The following RNF169 variants were observed in gnomAD, a reference collection of about 807,000 sequenced individuals.
The protein encoded by RNF169 is E3 ubiquitin-protein ligase RNF169.
In RNF169, 24 loss-of-function variants were observed where a neutral mutation model predicts 53.9. That is an observed-to-expected ratio of 0.45 (90% CI 0.32 to 0.63). RNF169 has a LOEUF of 0.63. Among genes scored for constraint, RNF169 ranks in the 20% least tolerant of loss-of-function variants. The pLI, the probability that RNF169 is intolerant of heterozygous loss-of-function variation, is 0.04. For synonymous variants in RNF169, 396 were observed against 363.5 expected (o/e 1.09, Z -1.02); for missense variants, 883 against 906.2 (o/e 0.97, Z 0.33).
intron 1 of RNF169, among the ~76,000 whole-genome samples, chr11:74,782,010 A>G (rs1181538954): frequency 1.3e-5 from 2 of 152,200 alleles, no homozygotes; most frequent in African/African-American, 2.4e-5. Context: ...GGTGGTAGAG[A>G]TGGAAATTAG....
chr11:74,790,152 G>C (rs1379552389), intron 2 of RNF169, among the ~76,000 whole-genome samples: 1 of 152,124 alleles, frequency 6.6e-6, no homozygotes, highest in African/African-American at 2.4e-5. Context: ...TTCCTAGTTA[G>C]AAAACAATTA....
rs747686347 is a variant in RNF169, at chr11:74,835,615, G to T, written c.1012G>T (p.Val338Phe). 12 of 1,613,994 alleles carry T rather than the reference G, an allele frequency of 7.4e-6. No individual in the cohort carries two copies. The Admixed American group carries it at 2.0e-4, about 27-fold the overall frequency. Residue 338 changes from valine to phenylalanine, a missense_variant, in exon 6 of 6, where the codon GTC becomes TTC. Val to Phe is a conservative substitution (Grantham distance 50). Around this residue, in one of 3 missense-constraint regions of RNF169, gnomAD observed 219 missense variants for 289.1 expected, o/e 0.76. Transcript: ENST00000299563. ...CTTGTCAACTCAAAACAACCGCTGCGTCTCGGCCCCTGACTTAACCATCGA... is the reference window on the plus strand; with the variant it reads ...CTTGTCAACTCAAAACAACCGCTGCTTCTCGGCCCCTGACTTAACCATCGA... ...VLLSTQNNRC[V>F]SAPDLTIEKR... is the part of the protein sequence containing the mutation.
Position 74,802,974 on chromosome 11 carries a change from G to A in RNF169, c.577-7210G>A, listed in dbSNP as rs888405925. Among the ~76,000 whole-genome samples the A allele has an allele frequency of 3.3e-5, 5 of 152,238 alleles. No homozygotes were observed. In the East Asian group the frequency reaches 9.7e-4, roughly 29 times the overall value. The stretch of plus-strand genomic sequence containing the variant: ...CTTGCTCTGTCGCCCAGGCTGGAGT[G>A]CATTGGGGCAATCTCGGCTCACCGC... On this transcript the variant is annotated intron_variant, in intron 2 of 5. Coordinates refer to ENST00000299563, the MANE Select transcript of RNF169 (RefSeq NM_001098638.2).
chr11:74,806,301 T>G (rs561787453), intron 2 of RNF169, among the ~76,000 whole-genome samples: 3 of 152,334 alleles, frequency 2.0e-5, no homozygotes, highest in African/African-American at 7.2e-5. Context: ...TGCCAATATA[T>G]ACACATTGAA....
chr11:74,769,315 A>G (rs1475129143), intron 1 of RNF169, among the ~76,000 whole-genome samples: 1 of 152,244 alleles, frequency 6.6e-6, no homozygotes, highest in African/African-American at 2.4e-5. Flanking sequence ...AACCAGTGAT[A>G]TGCCATCAGA....
chr11:74,798,173 A>G (rs997083414), intron 2 of RNF169, among the ~76,000 whole-genome samples: 2 of 152,242 alleles, frequency 1.3e-5, no homozygotes, highest in Non-Finnish European at 2.9e-5. Flanking sequence ...GATAACAGCA[A>G]TGTTTAGGAA....
At chr11:74,798,202 C>T (rs1284993812) in intron 2 of RNF169, among the ~76,000 whole-genome samples, 2 of 152,224 alleles carry the variant, frequency 1.3e-5, no homozygotes, top group Non-Finnish European at 2.9e-5. Context: ...TAACCTTAAA[C>T]TCTGACCACT....
intron 4 of RNF169, among the ~76,000 whole-genome samples, chr11:74,830,283 A>G (rs1246830064): frequency 6.6e-6 from 1 of 152,134 alleles, no homozygotes; most frequent in African/African-American, 2.4e-5. Flanking sequence ...ATTTTTAACG[A>G]CTGGTCAAGA....
rs1202001085 is a variant in RNF169, at chr11:74,748,929, G to A, written c.49G>A (p.Ala17Thr). The change falls in exon 1 of 6, where the codon GCC (alanine) becomes ACC (threonine). Residue 17 changes from alanine (A) to threonine (T), a missense_variant. Physicochemically the swap from Ala to Thr is moderately conservative, Grantham distance 58. Transcript: ENST00000299563. ...TCGGGCCTCTTCCGCGGCGGCAGCAGCCGCTCTGAGTCGGCGGGGCCGGCG... is the reference window on the plus strand; with the variant it reads ...TCGGGCCTCTTCCGCGGCGGCAGCAACCGCTCTGAGTCGGCGGGGCCGGCG... ...STRASSAAAA[A>T]ALSRRGRRGR... is the part of the protein sequence containing the mutation. 6 of 1,458,554 alleles carry A rather than the reference G, an allele frequency of 4.1e-6. No individual in the cohort carries two copies. The highest frequency in any genetic ancestry group is 1.3e-5 in the South Asian group (1 of 74,792). The allele number at this position is 1,458,554 out of a possible 1,614,324, so 90.4% of individuals were successfully genotyped here.
In RNF169 at chr11:74,838,909, A is replaced by G. The variant is rs2036297159; in HGVS notation, c.*2179A>G. The G allele has an allele frequency of 6.6e-6, 1 of 152,210 alleles. No individual in the cohort carries two copies. Among genetic ancestry groups the G allele is most frequent in the South Asian group, 2.1e-4 (1 of 4,826 alleles). 9.4% of individuals were successfully genotyped at this position (152,210 alleles called of 1,614,324 possible). ...AAGGCTAGTCTTGTTGGTAGGAGCA[A>G]AGACACTTATTTTTCCACTTGCCAT... On this transcript the variant is annotated 3_prime_UTR_variant, in exon 6 of 6. Transcript: ENST00000299563.
chr11:74,762,430 TG>T (rs1420532054), intron 1 of RNF169, among the ~76,000 whole-genome samples: 2 of 152,222 alleles, frequency 1.3e-5, no homozygotes, highest in African/African-American at 4.8e-5. Context: ...CCCATCTTTG[TG>T]GTTTTATCTA....
At chr11:74,834,017 T>TA (rs1232343343) in intron 4 of RNF169, among the ~76,000 whole-genome samples, 1 of 152,222 alleles carries the variant, frequency 6.6e-6, no homozygotes, top group Admixed American at 6.5e-5. Flanking sequence ...AGTTGCATAC[T>TA]AACTGCTGTC....
chr11:74,751,111 TC>T (rs781132676), intron 1 of RNF169, among the ~76,000 whole-genome samples: 4 of 152,078 alleles, frequency 2.6e-5, no homozygotes, highest in South Asian at 4.2e-4. Flanking sequence ...CGTCAAGTGA[TC>T]CGCCCACCTC....
intron 1 of RNF169, among the ~76,000 whole-genome samples, chr11:74,770,271 T>A (rs1305806486): frequency 6.6e-6 from 1 of 152,226 alleles, no homozygotes; most frequent in Non-Finnish European, 1.5e-5. Context: ...GCGATAGCCA[T>A]CGTATTTCTT....
At chr11:74,794,765 G>A (rs750173072) in intron 2 of RNF169, among the ~76,000 whole-genome samples, 2 of 152,156 alleles carry the variant, frequency 1.3e-5, no homozygotes, top group Non-Finnish European at 2.9e-5. Context: ...GGGGTCATGA[G>A]TGTTATAGTC....
chr11:74,805,586 C>A (rs1357744605), intron 2 of RNF169, among the ~76,000 whole-genome samples: 1 of 151,986 alleles, frequency 6.6e-6, no homozygotes, highest in Non-Finnish European at 1.5e-5. Context: ...AAATAATAAG[C>A]TCGTTAAAGA....
At chr11:74,763,463 T>C (rs1048654745) in intron 1 of RNF169, among the ~76,000 whole-genome samples, 6 of 152,152 alleles carry the variant, frequency 3.9e-5, no homozygotes, top group African/African-American at 1.4e-4. Flanking sequence ...CTAAAGACTT[T>C]AAAGAATTGA....
At chr11:74,816,723 G>A (rs2135126323) in intron 3 of RNF169, among the ~76,000 whole-genome samples, 1 of 152,326 alleles carries the variant, frequency 6.6e-6, no homozygotes, top group Non-Finnish European at 1.5e-5. Flanking sequence ...TTGAAAGACT[G>A]TGGTACGTGT....
At chr11:74,810,108 T>TA in intron 2 of RNF169, 76 bp from the exon 3 acceptor site, 1 of 1,316,000 alleles carries the variant, frequency 7.6e-7, no homozygotes, top group Non-Finnish European at 1.1e-6. Context: ...TTTGTTCTAA[T>TA]AAACTACAGA....
Sources: gnomAD v4.1 joint callset for allele counts (sites outside exome capture counted in the v4.1 genomes callset) on GRCh38, gnomAD v4.1.1 for gene constraint, gnomAD v4.1.1 regional missense constraint, MANE v1.5 for transcripts, NCBI Gene and HGNC (gene_info 2026-07-23, HGNC 2026-07-21) for gene names.